UCN3: variants seen among roughly 807,000 people sequenced by gnomAD.
UCN3 encodes the protein urocortin-3.
In UCN3, 3 loss-of-function variants were observed where a neutral mutation model predicts 3.6. That is an observed-to-expected ratio of 0.83 (90% CI 0.38 to 2.15). The LOEUF is 2.15. UCN3 is among the 30% of genes most tolerant of loss of function. UCN3 has a pLI of 0.06. For missense variants in UCN3, 206 were observed against 208.3 expected (o/e 0.99, Z 0.07); for synonymous variants, 100 against 93.2 (o/e 1.07, Z -0.42).
intron 1 of UCN3, among the ~76,000 whole-genome samples, chr10:5,371,565 G>A (rs111911262): frequency 6.6e-6 from 1 of 152,072 alleles, no homozygotes; most frequent in African/African-American, 2.4e-5. Flanking sequence ...ACAGCCTAAG[G>A]CTGTCTGGTT....
At chr10:5,368,433 AAG>A (rs1270845890) in intron 1 of UCN3, among the ~76,000 whole-genome samples, 2 of 152,216 alleles carry the variant, frequency 1.3e-5, no homozygotes, top group South Asian at 2.1e-4. Flanking sequence ...TAGAAAAAGA[AAG>A]AAATCAGAAC....
chr10:5,373,993 A>C lies in UCN3; in HGVS notation c.273A>C (p.Arg91Ser), dbSNP rs144751433. The change falls in exon 2 of 2, where the codon AGA becomes AGC. Residue 91 changes from arginine (R) to serine (S), a missense_variant. Physicochemically the swap from Arg to Ser is moderately radical, Grantham distance 110. Coordinates refer to ENST00000380433, the MANE Select transcript of UCN3 (RefSeq NM_053049.4). ...FPISGARGGARGTRYRYVSQA... is the reference protein window; with the variant it reads ...FPISGARGGASGTRYRYVSQA... Reference sequence around the variant, plus strand: ...TCTCTGGGGCCAGGGGTGGAGCCAGAGGCACCCGGTACAGATACGTGTCCC... The same window carrying C: ...TCTCTGGGGCCAGGGGTGGAGCCAGCGGCACCCGGTACAGATACGTGTCCC... 5.2e-5 allele frequency: 84 copies of C among 1,610,288 alleles called. No individual in the cohort carries two copies. In the African/African-American group the frequency reaches 1.0e-3, roughly 19 times the overall value.
rs1315719147 is a variant in UCN3 at position 5,374,383 on chromosome 10, C to G, written c.*177C>G. The G allele has an allele frequency of 6.2e-6, 4 of 640,170 alleles. No homozygotes were observed. The highest frequency in any genetic ancestry group is 1.1e-5 in the Non-Finnish European group (4 of 376,410). The allele number at this position is 640,170 out of a possible 1,614,324, so 39.7% of individuals were successfully genotyped here. On this transcript the variant is annotated 3_prime_UTR_variant, in exon 2 of 2. Coordinates refer to ENST00000380433, the MANE Select transcript of UCN3 (RefSeq NM_053049.4). ...CTCTGATCTCTTCTGGCCTTTGACC[C>G]TGTCTCCCTCCTGCTCTGTCTGTAC...
rs192886633 is a variant in UCN3, at chr10:5,367,638, C to T, written c.-7+2408C>T. On this transcript the variant is annotated intron_variant, in intron 1 of 1. Coordinates refer to ENST00000380433, the MANE Select transcript of UCN3 (RefSeq NM_053049.4). The surrounding 1 kb of genome is among the most constrained non-coding windows in gnomAD (Gnocchi z 4.3). ...AAATGGAGACACCAAAGAAATATAA[C>T]ACCCAAAGTGTCTTTAAGGGGTGGA... Among the ~76,000 whole-genome samples, 152 of 152,290 alleles carry T rather than the reference C, an allele frequency of 1.0e-3. No homozygotes were observed. Among genetic ancestry groups the T allele is most frequent in the African/African-American group, 3.4e-3 (143 of 41,550 alleles).
chr10:5,373,307 T>C (rs560715198), intron 1 of UCN3, among the ~76,000 whole-genome samples: 2 of 152,350 alleles, frequency 1.3e-5, no homozygotes, highest in African/African-American at 4.8e-5. Context: ...AAAATTCACT[T>C]ACCATTAAAA....
Position 5,370,801 on chromosome 10 carries a change from A to ATGCGTGTG in UCN3, c.-6-2913_-6-2912insGCGTGTGT, listed in dbSNP as rs1564443558. Among the ~76,000 whole-genome samples, 137 of 95,416 alleles carry ATGCGTGTG rather than the reference A, an allele frequency of 1.4e-3. 6 individuals are homozygous for ATGCGTGTG. Among genetic ancestry groups the ATGCGTGTG allele is most frequent in the African/African-American group, 5.5e-3 (112 of 20,242 alleles). The allele number at this position is 95,416 out of a possible 152,430, so 62.6% of individuals were successfully genotyped here. On this transcript the variant is annotated intron_variant, in intron 1 of 1. Coordinates refer to ENST00000380433, the MANE Select transcript of UCN3 (RefSeq NM_053049.4). Reference sequence around the variant, plus strand: ...TGCGTGTGTGTGTGTATGCGTGTGTATATGTGTGTGTGCGTGTGTGTGCGC... The same window carrying ATGCGTGTG: ...TGCGTGTGTGTGTGTATGCGTGTGTATGCGTGTGTATGTGTGTGTGCGTGTGTGTGCGC...
chr10:5,374,590 A>C lies in UCN3; in HGVS notation c.*384A>C. 1 of 173,850 alleles carries C rather than the reference A, an allele frequency of 5.8e-6. No individual in the cohort carries two copies. The highest frequency in any genetic ancestry group is 1.2e-5 in the Non-Finnish European group (1 of 81,210). The allele number at this position is 173,850 out of a possible 1,614,324, so 10.8% of individuals were successfully genotyped here. ...AGAGCGTTCAGGGCTCCTCTCCCAC[A>C]CATCAACTTCTTCCAGGGCAGAAAG... is the stretch of plus-strand genomic sequence containing the variant. On this transcript the variant is annotated 3_prime_UTR_variant, in exon 2 of 2. Coordinates refer to ENST00000380433, the MANE Select transcript of UCN3 (RefSeq NM_053049.4).
intron 1 of UCN3, among the ~76,000 whole-genome samples, chr10:5,371,014 T>C (rs781811997): frequency 1.6e-4 from 24 of 149,618 alleles, no homozygotes; most frequent in Middle Eastern, 3.5e-3. Flanking sequence ...TATGTGTGCA[T>C]ATATATACGT....
rs1420373276 is a variant in UCN3 at position 5,366,745 on chromosome 10, C to T, written c.-7+1515C>T. 6.6e-6 allele frequency among the ~76,000 whole-genome samples: 1 copy of T among 152,204 alleles called. No homozygotes were observed. The highest frequency in any genetic ancestry group is 1.5e-5 in the Non-Finnish European group (1 of 68,046). On this transcript the variant is annotated intron_variant, in intron 1 of 1. Transcript: ENST00000380433. This position sits in a 1 kb window ranked among gnomAD's most constrained non-coding sequence, Gnocchi z 4.2. ...GGGCGTCCCTATCATGTCCAATTCA[C>T]AGTTCTGGGAGGTTCCTTTGCTGTG...
At chr10:5,368,453 C>A (rs564775034) in intron 1 of UCN3, among the ~76,000 whole-genome samples, 11 of 152,282 alleles carry the variant, frequency 7.2e-5, no homozygotes, top group African/African-American at 2.6e-4. Context: ...AACAAAGATT[C>A]TCGAACTCAA....
At chr10:5,372,736 G>A (rs1193241051) in intron 1 of UCN3, among the ~76,000 whole-genome samples, 1 of 49,940 alleles carries the variant, frequency 2.0e-5, no homozygotes, top group Non-Finnish European at 4.4e-5. Flanking sequence ...TTTTTTTTTT[G>A]TAGAGATGAG....
At chr10:5,368,740 A>G (rs184745681) in intron 1 of UCN3, among the ~76,000 whole-genome samples, 15 of 152,316 alleles carry the variant, frequency 9.8e-5, no homozygotes, top group East Asian at 9.6e-4. Flanking sequence ...ACCATGCTTC[A>G]TACTCTATTT....
At chr10:5,370,114 T>TGTGTATATGC (rs1831338692) in intron 1 of UCN3, among the ~76,000 whole-genome samples, 4 of 58,132 alleles carry the variant, frequency 6.9e-5, no homozygotes, top group Admixed American at 1.9e-4. Flanking sequence ...TGTGTATATG[T>TGTGTATATGC]GTGTGTATGT....
rs1322142496 is a variant in UCN3 at position 5,366,445 on chromosome 10, T to A, written c.-7+1215T>A. ...AACTTTTGTGCTGTTTCACCAAGAA[T>A]ATGGCAGAAGAGTCCAAGGAATGTA... On this transcript the variant is annotated intron_variant, in intron 1 of 1. Coordinates refer to ENST00000380433, the MANE Select transcript of UCN3 (RefSeq NM_053049.4). This position sits in a 1 kb window ranked among gnomAD's most constrained non-coding sequence, Gnocchi z 4.2. 6.6e-6 allele frequency among the ~76,000 whole-genome samples: 1 copy of A among 152,200 alleles called. No homozygotes were observed. The highest frequency in any genetic ancestry group is 2.4e-5 in the African/African-American group (1 of 41,450).
At position 5,370,369 on chromosome 10, in the gene UCN3, G is replaced by A; in HGVS notation, c.-6-3346G>A. 5.9e-5 allele frequency among the ~76,000 whole-genome samples: 2 copies of A among 33,796 alleles called. 1 individual carries two copies. Among genetic ancestry groups the A allele is most frequent in the Non-Finnish European group, 1.2e-4 (2 of 17,216 alleles). The allele number at this position is 33,796 out of a possible 152,430, so 22.2% of individuals were successfully genotyped here. A position where few individuals can be genotyped will look rare whatever the true frequency, so the allele number is the denominator to read the frequency against. ...TGTGTATATGTGTGTGTATATGCGT[G>A]TGTATATGCGTGTATATGCGTGTGT... On this transcript the variant is annotated intron_variant, in intron 1 of 1. Transcript: ENST00000380433.
chr10:5,370,521 G>GTA lies in UCN3; in HGVS notation c.-6-3192_-6-3191dup, dbSNP rs1298568382. On this transcript the variant is annotated intron_variant, in intron 1 of 1. Coordinates refer to ENST00000380433, the MANE Select transcript of UCN3 (RefSeq NM_053049.4). ...TGTATATGCGTGTGTATATGTGTGT[G>GTA]TATGTGTGTGTGTATATGCGTGTAT... Among the ~76,000 whole-genome samples, 60 of 97,708 alleles carry GTA rather than the reference G, an allele frequency of 6.1e-4. 5 individuals are homozygous for GTA. The highest frequency in any genetic ancestry group is 9.8e-4 in the Non-Finnish European group (47 of 48,048). The allele number at this position is 97,708 out of a possible 152,430, so 64.1% of individuals were successfully genotyped here.
chr10:5,370,655 A>ATG (rs1277584252), intron 1 of UCN3, among the ~76,000 whole-genome samples: 2 of 56,774 alleles, frequency 3.5e-5, no homozygotes, highest in Non-Finnish European at 5.7e-5. Context: ...ATGTGTGTGT[A>ATG]TGTGTGTGTA....
Position 5,370,356 on chromosome 10 carries a change from T to C in UCN3, c.-6-3359T>C, listed in dbSNP as rs1165139519. 9.9e-5 allele frequency among the ~76,000 whole-genome samples: 9 copies of C among 91,146 alleles called. 1 individual carries two copies. Among genetic ancestry groups the C allele is most frequent in the East Asian group, 6.7e-4 (2 of 2,976 alleles). 59.8% of individuals were successfully genotyped at this position (91,146 alleles called of 152,430 possible). ...GTGTGTATATGCGTGTGTATATGTGTGTGTATATGCGTGTGTATATGCGTG... is the reference window on the plus strand; with the variant it reads ...GTGTGTATATGCGTGTGTATATGTGCGTGTATATGCGTGTGTATATGCGTG... On this transcript the variant is annotated intron_variant, in intron 1 of 1. Coordinates refer to ENST00000380433, the MANE Select transcript of UCN3 (RefSeq NM_053049.4).
At chr10:5,371,967 C>A (rs1366080486) in intron 1 of UCN3, among the ~76,000 whole-genome samples, 1 of 152,198 alleles carries the variant, frequency 6.6e-6, no homozygotes, top group Non-Finnish European at 1.5e-5. Context: ...CTGCTTCTAT[C>A]TCACAGGATA....
Sources: gnomAD v4.1 joint callset for allele counts (sites outside exome capture counted in the v4.1 genomes callset) on GRCh38, gnomAD v4.1.1 for gene constraint, Gnocchi (gnomAD v3.1) non-coding constraint, MANE v1.5 for transcripts, NCBI Gene and HGNC (gene_info 2026-07-23, HGNC 2026-07-21) for gene names.